Variants in SLC24A2 observed in about 807,000 individuals in gnomAD.
The protein encoded by SLC24A2 is solute carrier family 24 member 2, also known as sodium/potassium/calcium exchanger 2.
A neutral mutation model predicts 62.0 loss-of-function variants in SLC24A2; 36 were observed. That is an observed-to-expected ratio of 0.58 (90% CI 0.44 to 0.77). The LOEUF (loss-of-function observed/expected upper bound fraction) is 0.77. Ranked by LOEUF, SLC24A2 falls within the 30% of genes least tolerant of loss-of-function variation. SLC24A2 has a pLI of 0.00. For synonymous variants in SLC24A2, 358 were observed against 294.0 expected, an observed-to-expected ratio of 1.22 and a Z score of -2.23; for missense variants, 846 against 817.9, an observed-to-expected ratio of 1.03 and a Z score of -0.42.
At chr9:20,262,846 T>C in the SLC24A2 span, among the ~76,000 whole-genome samples, 1 of 152,354 alleles carries the variant, frequency 6.6e-6, no homozygotes, top group African/African-American at 2.4e-5. Context: ...AGTACATTTT[T>C]CCACTGCCAT....
chr9:20,237,449 T>C, the SLC24A2 span, among the ~76,000 whole-genome samples: 1 of 152,174 alleles, frequency 6.6e-6, no homozygotes, highest in African/African-American at 2.4e-5. Flanking sequence ...ATTCATGCTC[T>C]CTGCATCAAA....
At chr9:20,104,655 A>C in the SLC24A2 span, among the ~76,000 whole-genome samples, 1 of 152,196 alleles carries the variant, frequency 6.6e-6, no homozygotes, top group Non-Finnish European at 1.5e-5. Flanking sequence ...ATGCTGAGAG[A>C]TTTTGTCACC....
intron 2 of SLC24A2, among the ~76,000 whole-genome samples, chr9:19,700,226 A>C (rs1368084855): frequency 1.3e-5 from 2 of 152,164 alleles, no homozygotes; most frequent in Non-Finnish European, 2.9e-5. Flanking sequence ...TTTGAGCCTT[A>C]GCCTCACAAT....
chr9:19,633,983 C>A (rs1304165842), intron 2 of SLC24A2, among the ~76,000 whole-genome samples: 1 of 152,040 alleles, frequency 6.6e-6, no homozygotes, highest in Non-Finnish European at 1.5e-5. Flanking sequence ...TTTTATGGAT[C>A]AGTTTTAGGT....
At chr9:20,020,537 C>T in the SLC24A2 span, among the ~76,000 whole-genome samples, 1 of 151,982 alleles carries the variant, frequency 6.6e-6, no homozygotes, top group Non-Finnish European at 1.5e-5. Context: ...CACATGGACA[C>T]AGGGAGGGGA....
At chr9:20,066,413 T>A in the SLC24A2 span, among the ~76,000 whole-genome samples, 3 of 151,994 alleles carry the variant, frequency 2.0e-5, no homozygotes, top group East Asian at 1.9e-4. Flanking sequence ...AGGAAAGAAT[T>A]AGAAAGGGGG....
At chr9:20,105,498 C>T in the SLC24A2 span, among the ~76,000 whole-genome samples, 137 of 152,080 alleles carry the variant, frequency 9.0e-4, no homozygotes, top group African/African-American at 3.1e-3. Flanking sequence ...AACAAACTGT[C>T]TCTCAGACCA....
chr9:19,808,422 G>C, the SLC24A2 span, among the ~76,000 whole-genome samples: 1 of 152,124 alleles, frequency 6.6e-6, no homozygotes, highest in East Asian at 1.9e-4. This position sits in a 1 kb window ranked among gnomAD's most constrained non-coding sequence, Gnocchi z 4.1. Flanking sequence ...TAGAACAACA[G>C]TTAACAAGTT....
intron 10 of SLC24A2, among the ~76,000 whole-genome samples, chr9:19,519,562 C>T (rs928936066): frequency 1.3e-5 from 2 of 152,158 alleles, no homozygotes; most frequent in African/African-American, 4.8e-5. Flanking sequence ...CCTTTTAAGG[C>T]ATTCATTCAT....
At chr9:20,045,957 C>G in the SLC24A2 span, among the ~76,000 whole-genome samples, 2 of 152,160 alleles carry the variant, frequency 1.3e-5, no homozygotes, top group Admixed American at 6.5e-5. Context: ...GAGAGAACAA[C>G]TAGTGCAAAG....
the SLC24A2 span, among the ~76,000 whole-genome samples, chr9:19,878,402 C>G: frequency 1.3e-5 from 2 of 152,052 alleles, no homozygotes; most frequent in Non-Finnish European, 2.9e-5. Flanking sequence ...GCTTATTACT[C>G]CATAACATCT....
chr9:19,882,488 A>G, the SLC24A2 span, among the ~76,000 whole-genome samples: 1 of 151,934 alleles, frequency 6.6e-6, no homozygotes, highest in South Asian at 2.1e-4. Flanking sequence ...TCATAAAACT[A>G]CTTTTCCCTC....
chr9:20,224,104 T>C, the SLC24A2 span, among the ~76,000 whole-genome samples: 5 of 151,804 alleles, frequency 3.3e-5, no homozygotes, highest in South Asian at 2.1e-4. Context: ...TCCAACCAGG[T>C]CCCTCCCTTG....
rs192617473 is a variant in SLC24A2 at position 19,575,608 on chromosome 9, C to G, written c.1228+1316G>C. ...CTAGTTACAAAGTCATTCAGAGACC[C>G]AATAACATTTTCTAGTTCAAAGTCA... On this transcript the variant is annotated intron_variant, in intron 6 of 10. Coordinates refer to ENST00000341998, the MANE Select transcript of SLC24A2 (RefSeq NM_020344.4). 1.1e-3 allele frequency among the ~76,000 whole-genome samples: 162 copies of G among 152,274 alleles called. 1 individual carries two copies. Among genetic ancestry groups the G allele is most frequent in the African/African-American group, 3.8e-3 (156 of 41,572 alleles).
intron 4 of SLC24A2, among the ~76,000 whole-genome samples, chr9:19,616,024 A>ACT (rs1817759943): frequency 6.6e-6 from 1 of 151,512 alleles, no homozygotes; most frequent in African/African-American, 2.4e-5. Context: ...ACACACACAC[A>ACT]CACACACACA....
chr9:20,022,884 C>T, the SLC24A2 span, among the ~76,000 whole-genome samples: 1 of 152,124 alleles, frequency 6.6e-6, no homozygotes, highest in Non-Finnish European at 1.5e-5. Context: ...ATGTGGGAGG[C>T]ATTATTCTAT....
chr9:20,205,570 G>C, the SLC24A2 span, among the ~76,000 whole-genome samples: 32,256 of 146,390 alleles, frequency 0.22, 4,468 homozygotes, highest in East Asian at 0.64. Flanking sequence ...AGATTGGTGT[G>C]AACCCAGGAG....
At chr9:20,164,857 C>T in the SLC24A2 span, among the ~76,000 whole-genome samples, 1 of 151,298 alleles carries the variant, frequency 6.6e-6, no homozygotes, top group Non-Finnish European at 1.5e-5. Context: ...AATTGGAAAT[C>T]ATCATTCTCA....
chr9:20,007,845 A>AG, the SLC24A2 span, among the ~76,000 whole-genome samples: 76 of 138,968 alleles, frequency 5.5e-4, no homozygotes, highest in African/African-American at 2.0e-3. Flanking sequence ...GGTGAGGGCA[A>AG]GTGGGCTTCT....
Sources: gnomAD v4.1 joint callset for allele counts (sites outside exome capture counted in the v4.1 genomes callset) on GRCh38, gnomAD v4.1.1 for gene constraint, Gnocchi (gnomAD v3.1) non-coding constraint, MANE v1.5 for transcripts, NCBI Gene and HGNC (gene_info 2026-07-23, HGNC 2026-07-21) for gene names.